The following IL1RAPL1 variants were observed in gnomAD, a reference collection of about 807,000 sequenced individuals.
IL1RAPL1 encodes the protein interleukin 1 receptor accessory protein like 1, also known as interleukin-1 receptor accessory protein-like 1.
IL1RAPL1 carries 3 observed loss-of-function variants against 48.4 expected under a neutral mutation model. That is an observed-to-expected ratio of 0.06 (90% CI 0.03 to 0.16). IL1RAPL1 has a LOEUF of 0.16. Among genes scored for constraint, IL1RAPL1 ranks in the 10% least tolerant of loss-of-function variants. IL1RAPL1 has a pLI of 1.00. For synonymous variants in IL1RAPL1, 185 were observed against 187.7 expected (o/e 0.99, Z 0.12); for missense variants, 349 against 530.6 (o/e 0.66, Z 3.36).
chrX:28,767,816 A>C (rs1259296430), intron 1 of IL1RAPL1, among the ~76,000 whole-genome samples: 2 of 110,636 alleles, frequency 1.8e-5, no homozygotes, highest in African/African-American at 6.6e-5. Context: ...ATTCTTTACA[A>C]CTCTGAAATT....
At chrX:28,773,505 A>C (rs1936330104) in intron 1 of IL1RAPL1, among the ~76,000 whole-genome samples, 1 of 112,017 alleles carries the variant, frequency 8.9e-6, no homozygotes, top group Non-Finnish European at 1.9e-5. Flanking sequence ...TGAAACAGTC[A>C]ACTTACCTTT....
At chrX:29,230,523 A>AAAAAAAAAAAC (rs1569265303) in intron 2 of IL1RAPL1, among the ~76,000 whole-genome samples, 3 of 93,339 alleles carry the variant, frequency 3.2e-5, no homozygotes, top group African/African-American at 8.3e-5. Flanking sequence ...AAAAAAAAAA[A>AAAAAAAAAAAC]AAAAAAAAAA....
intron 3 of IL1RAPL1, among the ~76,000 whole-genome samples, chrX:29,395,370 C>T (rs990241714): frequency 2.7e-5 from 3 of 111,609 alleles, no homozygotes; most frequent in African/African-American, 9.8e-5. Flanking sequence ...AGCACCATGC[C>T]TGACACATGA....
intron 5 of IL1RAPL1, among the ~76,000 whole-genome samples, chrX:29,505,543 T>C (rs1248250788): frequency 1.8e-5 from 2 of 111,490 alleles, no homozygotes; most frequent in Non-Finnish European, 3.8e-5. Context: ...AGTTTTTTTT[T>C]TCTTTCAGCT....
intron 6 of IL1RAPL1, among the ~76,000 whole-genome samples, chrX:29,803,198 T>TATGC (rs1930085589): frequency 4.6e-5 from 1 of 21,708 alleles, no homozygotes; most frequent in African/African-American, 1.9e-4. Context: ...TATGTATACA[T>TATGC]ATACACACAT....
At chrX:28,632,886 C>CTTTTT (rs140847456) in intron 1 of IL1RAPL1, among the ~76,000 whole-genome samples, 2 of 40,664 alleles carry the variant, frequency 4.9e-5, no homozygotes, top group East Asian at 7.9e-4. Flanking sequence ...TCACTGTATG[C>CTTTTT]TTTTTTTTTT....
chrX:29,549,105 G>A (rs1023751436), intron 5 of IL1RAPL1, among the ~76,000 whole-genome samples: 2 of 111,757 alleles, frequency 1.8e-5, no homozygotes, highest in Admixed American at 1.9e-4. Flanking sequence ...AGTCTCTCCT[G>A]GTCCCTGGTT....
intron 5 of IL1RAPL1, among the ~76,000 whole-genome samples, chrX:29,665,683 T>A (rs1217794445): frequency 1.8e-5 from 2 of 112,169 alleles, no homozygotes; most frequent in Non-Finnish European, 3.8e-5. Context: ...ATGTGTCAAA[T>A]CAGTGGCTCA....
chrX:29,163,745 A>G (rs931662493), intron 2 of IL1RAPL1, among the ~76,000 whole-genome samples: 1 of 111,748 alleles, frequency 8.9e-6, no homozygotes, highest in African/African-American at 3.2e-5. Flanking sequence ...CTAATGAGAA[A>G]TGTGTCCTTT....
chrX:29,785,673 A>G lies in IL1RAPL1; in HGVS notation c.778+117169A>G, dbSNP rs983246518. Reference sequence around the variant, plus strand: ...CTCGAAATGAATAAAACGTGCATCAATAGGTGAATGGATAGTGGTCCAACC... The same window carrying G: ...CTCGAAATGAATAAAACGTGCATCAGTAGGTGAATGGATAGTGGTCCAACC... On this transcript the variant is annotated intron_variant, in intron 6 of 10. Coordinates refer to ENST00000378993, the MANE Select transcript of IL1RAPL1 (RefSeq NM_014271.4). Among the ~76,000 whole-genome samples the G allele has an allele frequency of 4.5e-5, 5 of 112,133 alleles. No individual in the cohort carries two copies. In the East Asian group the frequency reaches 1.1e-3, roughly 25 times the overall value.
intron 3 of IL1RAPL1, among the ~76,000 whole-genome samples, chrX:29,380,954 A>G (rs1933689679): frequency 8.9e-6 from 1 of 112,292 alleles, no homozygotes; most frequent in Non-Finnish European, 1.9e-5. Flanking sequence ...TTAAGTATTG[A>G]GCCAGTGAAA....
intron 5 of IL1RAPL1, among the ~76,000 whole-genome samples, chrX:29,471,583 T>C (rs1455434118): frequency 9.0e-6 from 1 of 111,418 alleles, no homozygotes; most frequent in Non-Finnish European, 1.9e-5. Context: ...ATTACAGCTA[T>C]CTGGGAACAA....
intron 5 of IL1RAPL1, among the ~76,000 whole-genome samples, chrX:29,611,675 A>G (rs886707127): frequency 9.0e-6 from 1 of 111,570 alleles, no homozygotes; most frequent in Non-Finnish European, 1.9e-5. Flanking sequence ...GTGGAGAGTC[A>G]TAGTGACAGC....
intron 2 of IL1RAPL1, among the ~76,000 whole-genome samples, chrX:29,261,172 C>T (rs921153165): frequency 1.8e-5 from 2 of 110,099 alleles, no homozygotes; most frequent in East Asian, 2.8e-4. Flanking sequence ...TTGAAGTCGA[C>T]TTTCCTAGGT....
intron 2 of IL1RAPL1, among the ~76,000 whole-genome samples, chrX:29,097,182 C>A (rs774992616): frequency 1.8e-5 from 2 of 111,704 alleles, no homozygotes; most frequent in African/African-American, 6.5e-5. Context: ...CATACTTTGA[C>A]CATTCTTTTA....
chrX:29,791,624 A>G (rs139580737), intron 6 of IL1RAPL1, among the ~76,000 whole-genome samples: 3,104 of 107,995 alleles, frequency 0.029, 96 homozygotes, highest in African/African-American at 0.099. Flanking sequence ...GGGTTTCACC[A>G]TGTTGGTCAG....
chrX:28,635,622 T>C (rs1934455282), intron 1 of IL1RAPL1, among the ~76,000 whole-genome samples: 1 of 112,083 alleles, frequency 8.9e-6, no homozygotes, highest in Non-Finnish European at 1.9e-5. Context: ...TAAGCTATGA[T>C]GTTTGGTAGG....
chrX:29,225,360 A>G (rs900296836), intron 2 of IL1RAPL1, among the ~76,000 whole-genome samples: 3 of 111,913 alleles, frequency 2.7e-5, no homozygotes, highest in African/African-American at 9.8e-5. Context: ...TGACCTGTGC[A>G]CTATTAAGTA....
intron 5 of IL1RAPL1, among the ~76,000 whole-genome samples, chrX:29,605,533 G>T (rs186361672): frequency 1.8e-5 from 2 of 110,768 alleles, no homozygotes; most frequent in East Asian, 5.7e-4. Context: ...ATTAATGCCA[G>T]GATATCAGAT....
Sources: gnomAD v4.1 joint callset for allele counts (sites outside exome capture counted in the v4.1 genomes callset) on GRCh38, gnomAD v4.1.1 for gene constraint, MANE v1.5 for transcripts, NCBI Gene and HGNC (gene_info 2026-07-23, HGNC 2026-07-21) for gene names.